Variants in CAP2 observed in about 807,000 individuals in gnomAD.
CAP2 encodes adenylyl cyclase-associated protein 2.
A neutral mutation model predicts 57.7 loss-of-function variants in CAP2; 24 were observed. The observed-to-expected ratio is 0.42, with a 90% confidence interval of 0.30 to 0.58. The LOEUF (loss-of-function observed/expected upper bound fraction) is 0.58. CAP2 is among the 20% of genes least tolerant of loss of function. The pLI, the probability that CAP2 is intolerant of heterozygous loss-of-function variation, is 0.22. For missense variants in CAP2, 501 were observed against 590.3 expected (o/e 0.85, Z 1.57); for synonymous variants, 194 against 207.2 (o/e 0.94, Z 0.55).
chr6:17,481,587 T>C (rs1761287512), intron 4 of CAP2, among the ~76,000 whole-genome samples: 1 of 152,234 alleles, frequency 6.6e-6, no homozygotes, highest in African/African-American at 2.4e-5. Context: ...TATTAATCTT[T>C]GCATAACATT....
chr6:17,469,433 T>C (rs1760957956), intron 4 of CAP2, among the ~76,000 whole-genome samples: 2 of 151,802 alleles, frequency 1.3e-5, no homozygotes, highest in South Asian at 4.2e-4. Context: ...TGTGTGTGTG[T>C]CTGTGTGTGT....
intron 7 of CAP2, among the ~76,000 whole-genome samples, chr6:17,522,031 C>T (rs1762404413): frequency 6.6e-6 from 1 of 152,044 alleles, no homozygotes; most frequent in Non-Finnish European, 1.5e-5. Flanking sequence ...ATCGCTTGAA[C>T]CTGGGAGGTG....
At chr6:17,466,456 C>A (rs1760867309) in intron 4 of CAP2, among the ~76,000 whole-genome samples, 1 of 152,212 alleles carries the variant, frequency 6.6e-6, no homozygotes, top group Non-Finnish European at 1.5e-5. Context: ...CACTTTGGAT[C>A]CTGTGCTGTA....
At chr6:17,505,160 T>C (rs936762284) in intron 4 of CAP2, among the ~76,000 whole-genome samples, 8 of 152,200 alleles carry the variant, frequency 5.3e-5, no homozygotes, top group Non-Finnish European at 8.8e-5. Flanking sequence ...CTCTGATTTA[T>C]AGATGAGGAA....
At chr6:17,526,046 C>T (rs1762497410) in intron 7 of CAP2, among the ~76,000 whole-genome samples, 1 of 151,572 alleles carries the variant, frequency 6.6e-6, no homozygotes, top group Non-Finnish European at 1.5e-5. Flanking sequence ...TTTGTCATCA[C>T]AATGAAATTT....
chr6:17,416,497 A>T (rs1759278765), intron 1 of CAP2, among the ~76,000 whole-genome samples: 1 of 152,208 alleles, frequency 6.6e-6, no homozygotes, highest in Non-Finnish European at 1.5e-5. Flanking sequence ...AAAAACTGTG[A>T]TATAACACTA....
Position 17,506,717 on chromosome 6 carries a change from A to G in CAP2, c.301-452A>G, listed in dbSNP as rs568004365. The stretch of plus-strand genomic sequence containing the variant: ...CATGGATTATGGCAACTGTGGTGAA[A>G]CCAGGAAGCCTCTCCCAAAGCATTT... On this transcript the variant is annotated intron_variant, in intron 4 of 12. Coordinates refer to ENST00000229922, the MANE Select transcript of CAP2 (RefSeq NM_006366.3). 2.0e-5 allele frequency among the ~76,000 whole-genome samples: 3 copies of G among 152,144 alleles called. No individual in the cohort carries two copies. The East Asian group carries it at 5.8e-4, about 29-fold the overall frequency.
intron 3 of CAP2, among the ~76,000 whole-genome samples, chr6:17,447,096 C>T (rs1160023832): frequency 5.9e-5 from 9 of 151,556 alleles, no homozygotes; most frequent in African/African-American, 9.7e-5. Context: ...GATCATAGTT[C>T]ACTGCAGCCT....
At chr6:17,407,479 GAA>G (rs71536728) in intron 1 of CAP2, among the ~76,000 whole-genome samples, 6 of 131,454 alleles carry the variant, frequency 4.6e-5, no homozygotes, top group African/African-American at 8.5e-5. Context: ...AACCTGTCTT[GAA>G]AAAAAAAAAA....
chr6:17,451,603 G>A (rs1394019884), intron 3 of CAP2, among the ~76,000 whole-genome samples: 1 of 151,866 alleles, frequency 6.6e-6, no homozygotes, highest in African/African-American at 2.4e-5. Context: ...TCCGCCTCCC[G>A]GGTTCAAGCG....
At chr6:17,518,668 C>G (rs1422987721) in intron 7 of CAP2, among the ~76,000 whole-genome samples, 1 of 151,766 alleles carries the variant, frequency 6.6e-6, no homozygotes, top group East Asian at 1.9e-4. Flanking sequence ...GACAGGGTCT[C>G]ACTGTGACAC....
At position 17,482,940 on chromosome 6, in the gene CAP2, T is replaced by G. The variant is rs538478926; in HGVS notation, c.300+19867T>G. Reference sequence around the variant, plus strand: ...GGCATTGTTCTATTGTTATTATCTGTGTAATGCAGGCGTCATTTGGGCCAG... The same window carrying G: ...GGCATTGTTCTATTGTTATTATCTGGGTAATGCAGGCGTCATTTGGGCCAG... On this transcript the variant is annotated intron_variant, in intron 4 of 12. Transcript: ENST00000229922. Among the ~76,000 whole-genome samples the G allele has an allele frequency of 2.0e-5, 3 of 152,370 alleles. No homozygotes were observed. The East Asian group carries it at 5.8e-4, about 29-fold the overall frequency.
intron 3 of CAP2, among the ~76,000 whole-genome samples, chr6:17,454,788 CTT>C (rs896006947): frequency 4.6e-5 from 7 of 152,160 alleles, no homozygotes; most frequent in Non-Finnish European, 1.0e-4. Flanking sequence ...TTTTGCCAAA[CTT>C]TTCCGTTTTC....
intron 4 of CAP2, among the ~76,000 whole-genome samples, chr6:17,473,078 C>T (rs1053525123): frequency 6.6e-6 from 1 of 151,442 alleles, no homozygotes; most frequent in Non-Finnish European, 1.5e-5. Context: ...TAGCTCATCT[C>T]TCTTTGTATA....
chr6:17,533,222 A>C (rs1473678487), intron 7 of CAP2, among the ~76,000 whole-genome samples: 1 of 152,004 alleles, frequency 6.6e-6, no homozygotes, highest in Non-Finnish European at 1.5e-5. Flanking sequence ...TATTAAATAG[A>C]GTATACTTAT....
intron 9 of CAP2, 28 bp downstream of exon 9, chr6:17,541,176 T>C: frequency 6.4e-7 from 1 of 1,566,444 alleles, no homozygotes; most frequent in Middle Eastern, 1.7e-4. Flanking sequence ...ACCTTTATTT[T>C]CCTGACATGC....
intron 3 of CAP2, among the ~76,000 whole-genome samples, chr6:17,454,016 G>A (rs1760485690): frequency 6.8e-6 from 1 of 147,368 alleles, no homozygotes; most frequent in African/African-American, 2.5e-5. Context: ...TCCCACCTCA[G>A]CCTCCCACCT....
rs371070473 is a variant in CAP2 at position 17,542,982 on chromosome 6, A to G, written c.1126+22A>G. The G allele has an allele frequency of 1.2e-5, 19 of 1,612,936 alleles. No individual in the cohort carries two copies. In the African/African-American group the frequency reaches 1.6e-4, roughly 14 times the overall value. Reference sequence around the variant, plus strand: ...ATTGGTAGGGCAGAATTATGGCTCTATGGTTATTATGATGTTTTATAAACA... The same window carrying G: ...ATTGGTAGGGCAGAATTATGGCTCTGTGGTTATTATGATGTTTTATAAACA... On this transcript the variant is annotated intron_variant, in intron 10 of 12. Coordinates refer to ENST00000229922, the MANE Select transcript of CAP2 (RefSeq NM_006366.3).
intron 4 of CAP2, among the ~76,000 whole-genome samples, chr6:17,482,410 G>A (rs1761312125): frequency 6.6e-6 from 1 of 150,936 alleles, no homozygotes; most frequent in African/African-American, 2.4e-5. Flanking sequence ...TCGGGAGGCT[G>A]AGGCAGGAGA....
Sources: allele counts gnomAD v4.1 joint callset (sites outside exome capture counted in the v4.1 genomes callset), GRCh38; gene constraint gnomAD v4.1.1; transcripts MANE v1.5; gene names NCBI Gene and HGNC (gene_info 2026-07-23, HGNC 2026-07-21).